MAPRE2: variants seen among roughly 807,000 people sequenced by gnomAD.
MAPRE2 encodes the protein microtubule associated protein RP/EB family member 2, also known as microtubule-associated protein RP/EB family member 2.
In MAPRE2, 13 loss-of-function variants were observed where a neutral mutation model predicts 43.2. That is an observed-to-expected ratio of 0.30 (90% CI 0.20 to 0.48). The LOEUF is 0.48. Ranked by LOEUF, MAPRE2 falls within the 20% of genes least tolerant of loss-of-function variation. The probability of loss-of-function intolerance (pLI) is 0.99; values close to 1 mark genes in which losing one functional copy is unlikely to be tolerated. For missense variants in MAPRE2, 161 were observed against 400.2 expected, an observed-to-expected ratio of 0.40 and a Z score of 5.10; for synonymous variants, 135 against 148.8, an observed-to-expected ratio of 0.91 and a Z score of 0.68.
chr18:35,063,484 T>TAA (rs111922465), intron 1 of MAPRE2, among the ~76,000 whole-genome samples: 1 of 141,092 alleles, frequency 7.1e-6, no homozygotes, highest in African/African-American at 2.5e-5. Flanking sequence ...GAAGGTAACT[T>TAA]AAAAAAAAAA....
chr18:35,075,361 C>T (rs1472485075), intron 2 of MAPRE2, among the ~76,000 whole-genome samples: 2 of 152,134 alleles, frequency 1.3e-5, no homozygotes, highest in Non-Finnish European at 2.9e-5. Flanking sequence ...CGTGTGTTGT[C>T]CCTGTGCCTC....
At chr18:34,994,978 A>G (rs1444009487) in intron 1 of MAPRE2, among the ~76,000 whole-genome samples, 2 of 152,208 alleles carry the variant, frequency 1.3e-5, no homozygotes, top group Non-Finnish European at 2.9e-5. Context: ...CCATAAAAGT[A>G]TTAACTTATA....
intron 2 of MAPRE2, among the ~76,000 whole-genome samples, chr18:35,083,137 A>T (rs1164227389): frequency 6.6e-6 from 1 of 152,170 alleles, no homozygotes; most frequent in African/African-American, 2.4e-5. Flanking sequence ...TCAGATTCTT[A>T]CCTTCTACTC....
intron 4 of MAPRE2, among the ~76,000 whole-genome samples, chr18:35,117,132 A>G (rs1169234231): frequency 6.6e-6 from 1 of 152,182 alleles, no homozygotes; most frequent in Admixed American, 6.5e-5. Context: ...TGGATGATTA[A>G]TGGGTTATGG....
At chr18:35,070,434 A>G in intron 2 of MAPRE2, 112 bp downstream of exon 2, 1 of 898,370 alleles carries the variant, frequency 1.1e-6, no homozygotes, top group Non-Finnish European at 1.6e-6. Context: ...ATATATTGCT[A>G]TTGGCATGTA....
At chr18:34,980,399 C>G (rs1396903688) in intron 1 of MAPRE2, among the ~76,000 whole-genome samples, 2 of 152,142 alleles carry the variant, frequency 1.3e-5, no homozygotes, top group Admixed American at 1.3e-4. Flanking sequence ...TGAACTTTAT[C>G]TGAACCTCTC....
At chr18:35,012,636 C>G (rs1188248386) in intron 2 of MAPRE2, among the ~76,000 whole-genome samples, 1 of 152,152 alleles carries the variant, frequency 6.6e-6, no homozygotes, top group Non-Finnish European at 1.5e-5. Flanking sequence ...GTGAAATACA[C>G]CAGTCACAAA....
chr18:35,075,046 T>G (rs1211990180), intron 2 of MAPRE2, among the ~76,000 whole-genome samples: 1 of 152,238 alleles, frequency 6.6e-6, no homozygotes, highest in East Asian at 1.9e-4. Context: ...TTCCCCAAAT[T>G]GGTGCGAGCT....
chr18:35,054,261 GAGA>G (rs1054419971), intron 1 of MAPRE2, among the ~76,000 whole-genome samples: 52 of 152,164 alleles, frequency 3.4e-4, no homozygotes, highest in Middle Eastern at 3.2e-3. Flanking sequence ...CCTCGTTTTG[GAGA>G]AGATGAGGAT....
rs1404032027 is a variant in MAPRE2, at chr18:35,055,412, G to A, written c.122+13751G>A. ...GTCTTTTAAGGAACCAGTCATTGGAGGGCCCACCTTAATCCAGTATATCCT... is the reference window on the plus strand; with the variant it reads ...GTCTTTTAAGGAACCAGTCATTGGAAGGCCCACCTTAATCCAGTATATCCT... On this transcript the variant is annotated intron_variant, in intron 1 of 6. Transcript: ENST00000300249. 2.6e-5 allele frequency among the ~76,000 whole-genome samples: 4 copies of A among 152,120 alleles called. No individual in the cohort carries two copies. In the South Asian group the frequency reaches 6.2e-4, roughly 24 times the overall value.
intron 5 of MAPRE2, chr18:35,131,821 A>G: frequency 1.8e-6 from 1 of 546,446 alleles, no homozygotes; most frequent in East Asian, 3.0e-5. Context: ...AGTTGCCTGA[A>G]GGGAATGACC....
intron 4 of MAPRE2, among the ~76,000 whole-genome samples, chr18:35,122,703 A>ATG (rs1909735447): frequency 6.6e-6 from 1 of 152,188 alleles, no homozygotes; most frequent in African/African-American, 2.4e-5. Flanking sequence ...GAGGTTGCCG[A>ATG]GCCTGATTTT....
chr18:34,984,765 A>G (rs532116326), intron 1 of MAPRE2, among the ~76,000 whole-genome samples: 187 of 129,370 alleles, frequency 1.4e-3, no homozygotes, highest in African/African-American at 5.4e-3. Flanking sequence ...TACATACTAT[A>G]TATAATAATA....
intron 2 of MAPRE2, among the ~76,000 whole-genome samples, chr18:35,007,605 C>A (rs555902565): frequency 1.3e-5 from 2 of 152,342 alleles, no homozygotes; most frequent in Admixed American, 6.5e-5. Context: ...CTATACTTGG[C>A]CTGCAGGCCA....
At chr18:34,990,801 G>T (rs772900638) in intron 1 of MAPRE2, among the ~76,000 whole-genome samples, 1 of 152,100 alleles carries the variant, frequency 6.6e-6, no homozygotes, top group Non-Finnish European at 1.5e-5. Flanking sequence ...CAGAAGGATC[G>T]CTTGAGGCCA....
chr18:35,132,263 C>G, intron 6 of MAPRE2, 73 bp downstream of exon 6: 1 of 1,380,928 alleles, frequency 7.2e-7, no homozygotes, highest in Non-Finnish European at 1.0e-6. Flanking sequence ...GATCAGCACT[C>G]CTTAGAATAC....
chr18:35,001,138 A>T (rs914837740), intron 1 of MAPRE2, among the ~76,000 whole-genome samples: 1 of 152,208 alleles, frequency 6.6e-6, no homozygotes, highest in Non-Finnish European at 1.5e-5. Context: ...TTTCTATGCA[A>T]ATAAATGTGG....
intron 1 of MAPRE2, among the ~76,000 whole-genome samples, chr18:34,980,031 CTTTTTTT>C (rs796434537): frequency 1.7e-4 from 8 of 46,154 alleles, no homozygotes; most frequent in Non-Finnish European, 2.8e-4. Context: ...TTCTTTTTTT[CTTTTTTT>C]TTTTTTTTTT....
At chr18:34,982,764 G>T (rs1483136196) in intron 1 of MAPRE2, among the ~76,000 whole-genome samples, 1 of 152,068 alleles carries the variant, frequency 6.6e-6, no homozygotes, top group African/African-American at 2.4e-5. Context: ...AAGCTGTGTT[G>T]AGATAAAACT....
Sources: allele counts gnomAD v4.1 joint callset (sites outside exome capture counted in the v4.1 genomes callset), GRCh38; gene constraint gnomAD v4.1.1; transcripts MANE v1.5; gene names NCBI Gene and HGNC (gene_info 2026-07-23, HGNC 2026-07-21).